The following FLCN variants were observed in gnomAD, a reference collection of about 807,000 sequenced individuals.
FLCN encodes the protein BHD skin lesion fibrofolliculoma protein.
FLCN carries 22 observed loss-of-function variants against 62.5 expected under a neutral mutation model. The observed-to-expected ratio is 0.35, with a 90% CI of 0.25 to 0.50. FLCN has a LOEUF of 0.50. Among genes scored for constraint, FLCN ranks in the 20% least tolerant of loss-of-function variants. FLCN has a pLI of 0.97. For synonymous variants in FLCN, 319 were observed against 310.0 expected, an observed-to-expected ratio of 1.03 and a Z score of -0.30; for missense variants, 657 against 778.0, an observed-to-expected ratio of 0.84 and a Z score of 1.85.
intron 1 of FLCN, among the ~76,000 whole-genome samples, chr17:17,233,401 T>A (rs2047479928): frequency 6.6e-6 from 1 of 151,710 alleles, no homozygotes; most frequent in African/African-American, 2.4e-5. Flanking sequence ...ATCGAGACCA[T>A]CCTGGCTAAC....
chr17:17,218,004 G>T (rs1306781240), intron 9 of FLCN, among the ~76,000 whole-genome samples: 1 of 152,172 alleles, frequency 6.6e-6, no homozygotes, highest in Non-Finnish European at 1.5e-5. Context: ...GATTTTGATG[G>T]AATGGGTGTT....
At chr17:17,217,757 A>C in intron 9 of FLCN, 2 of 180,150 alleles carry the variant, frequency 1.1e-5, no homozygotes, top group Non-Finnish European at 2.4e-5. Flanking sequence ...CTCTCCCCAC[A>C]CCCCACCTGT....
chr17:17,221,057 C>G (rs897613840), intron 8 of FLCN: 11 of 882,592 alleles, frequency 1.2e-5, no homozygotes, highest in African/African-American at 3.4e-5. Context: ...CTGGTGCACA[C>G]AGTGCCACGA....
chr17:17,215,593 C>A (rs1376307708), intron 11 of FLCN, among the ~76,000 whole-genome samples: 1 of 152,206 alleles, frequency 6.6e-6, no homozygotes, highest in African/African-American at 2.4e-5. Context: ...CTAAGCAGCC[C>A]TATGAGGGTG....
At position 17,226,191 on chromosome 17, in the gene FLCN, C is replaced by T. The variant is rs2145010261; in HGVS notation, c.381G>A (p.Arg127=). Residue 127 remains arginine, a synonymous_variant, in exon 5 of 14, where the codon CGG becomes CGA. Transcript: ENST00000285071. The part of the protein sequence containing the change: ...LFSIVRQACV[R]SLSCEVCPGR... ...CAAGGCTCACCTCACAGCTCAGGCT[C>T]CGGACACAGGCCTGGCGGACAATGC... 6.2e-7 allele frequency: 1 copy of T among 1,614,026 alleles called. No homozygotes were observed. The highest frequency in any genetic ancestry group is 8.5e-7 in the Non-Finnish European group (1 of 1,180,020).
At chr17:17,228,535 G>A in intron 3 of FLCN, 1 of 278,248 alleles carries the variant, frequency 3.6e-6, no homozygotes, top group South Asian at 4.2e-5. Flanking sequence ...ACAGGGAGAG[G>A]GTCCTCCACC....
In FLCN at chr17:17,221,259, A is replaced by C. The variant is rs140836939; in HGVS notation, c.871+278T>G. ...CACAAAATCGGGACGAGAAGCCTTT[A>C]ATCAGCCAGTTCTCTCTACAGACAG... On this transcript the variant is annotated intron_variant, in intron 8 of 13. Transcript: ENST00000285071. The C allele has an allele frequency of 3.8e-5, 59 of 1,543,140 alleles. No homozygotes were observed. In the East Asian group the frequency reaches 1.4e-3, roughly 36 times the overall value.
At chr17:17,221,068 T>TGGG in intron 8 of FLCN, 11 of 1,014,264 alleles carry the variant, frequency 1.1e-5, no homozygotes, top group Non-Finnish European at 1.5e-5. Flanking sequence ...AGTGCCACGA[T>TGGG]CCCCAAACAC....
chr17:17,227,857 G>A (rs751793942), intron 4 of FLCN, 32 bp downstream of exon 4: 2 of 1,613,866 alleles, frequency 1.2e-6, no homozygotes, highest in African/African-American at 1.3e-5. Context: ...CTACTGCAGG[G>A]ATCACAAAAC....
At chr17:17,226,425 T>TA (rs2047252498) in intron 4 of FLCN, 103 bp from the exon 5 acceptor site, 6 of 1,403,218 alleles carry the variant, frequency 4.3e-6, no homozygotes, top group Non-Finnish European at 5.0e-6. Context: ...GCTATTTTTG[T>TA]AAAAAAATAA....
At chr17:17,225,977 C>T (rs2047234115) in intron 5 of FLCN, 199 bp downstream of exon 5, 1 of 734,028 alleles carries the variant, frequency 1.4e-6, no homozygotes, top group Non-Finnish European at 2.5e-6. Flanking sequence ...TCAGAAAATG[C>T]TCAGCAAGTC....
Position 17,223,899 on chromosome 17 carries a change from C to T in FLCN, c.618+23G>A, listed in dbSNP as rs201373940. The T allele has an allele frequency of 2.6e-4, 417 of 1,612,678 alleles. 3 individuals are homozygous for T. In the African/African-American group the frequency reaches 5.1e-3, roughly 20 times the overall value. ...TGCAGTGCAGGGCCCCCTGCCGCCC[C>T]GGCACCTCATCTCTGAATTCACCTT... On this transcript the variant is annotated intron_variant, in intron 6 of 13. Transcript: ENST00000285071.
At chr17:17,222,785 A>C in intron 6 of FLCN, 124 bp from the exon 7 acceptor site, 3 of 1,128,604 alleles carry the variant, frequency 2.7e-6, no homozygotes, top group Non-Finnish European at 3.9e-6. Context: ...TACTCTCTCC[A>C]TGCAGAGCAC....
chr17:17,214,092 G>C (rs563105596), intron 13 of FLCN, among the ~76,000 whole-genome samples: 1 of 152,136 alleles, frequency 6.6e-6, no homozygotes, highest in Non-Finnish European at 1.5e-5. Flanking sequence ...TATGGGTATG[G>C]GGCCTGTGCG....
chr17:17,235,452 A>AG (rs1229755367), intron 1 of FLCN: 3 of 152,186 alleles, frequency 2.0e-5, no homozygotes, highest in Admixed American at 6.6e-5. Context: ...TCTGTCTCCA[A>AG]AAAAGAAAGA....
At position 17,216,440 on chromosome 17, in the gene FLCN, G is replaced by C. The variant is rs1226407835; in HGVS notation, c.1240C>G (p.Arg414Gly). 6.2e-7 allele frequency: 1 copy of C among 1,613,678 alleles called. No homozygotes were observed. The highest frequency in any genetic ancestry group is 1.1e-5 in the South Asian group (1 of 91,046). Residue 414 changes from arginine (R) to glycine (G), a missense_variant, in exon 11 of 14, where the codon CGG (arginine) becomes GGG (glycine). By Grantham distance (125) the Arg-to-Gly change is moderately radical (BLOSUM62 -2). Coordinates refer to ENST00000285071, the MANE Select transcript of FLCN (RefSeq NM_144997.7). This position sits in a 1 kb window ranked among gnomAD's most constrained non-coding sequence, Gnocchi z 4.0. Reference sequence around the variant, plus strand: ...GGGCTGAGCCCCAGGAAGTTGCACCGATAGGCCTCCTCGTACTGGCTGCTG... The same window carrying C: ...GGGCTGAGCCCCAGGAAGTTGCACCCATAGGCCTCCTCGTACTGGCTGCTG... ...PYSSQYEEAYRCNFLGLSPHV... is the reference protein window; with the variant it reads ...PYSSQYEEAYGCNFLGLSPHV...
In FLCN at chr17:17,213,976, G is replaced by A. The variant is rs2046828466; in HGVS notation, c.1539-120C>T. The A allele has an allele frequency of 3.7e-6, 4 of 1,069,260 alleles. No homozygotes were observed. The Admixed American group carries it at 7.2e-5, about 19-fold the overall frequency. The allele number at this position is 1,069,260 out of a possible 1,614,324, so 66.2% of individuals were successfully genotyped here. ...AGCAGGAGCTGTGCAGGCAGAGCTG[G>A]AATCCACACCCTTGGGGCAGCAGGC... On this transcript the variant is annotated intron_variant, in intron 13 of 13. Transcript: ENST00000285071.
chr17:17,215,479 G>A (rs560393196), intron 11 of FLCN, among the ~76,000 whole-genome samples, 163 bp from the exon 12 acceptor site: 4 of 152,298 alleles, frequency 2.6e-5, no homozygotes, highest in African/African-American at 9.6e-5. Flanking sequence ...AACCTTTCAG[G>A]TTATTCGTGA....
In FLCN at chr17:17,224,173, C is replaced by T. The variant is rs915688416; in HGVS notation, c.397-30G>A. On this transcript the variant is annotated intron_variant, in intron 5 of 13. Transcript: ENST00000285071. The stretch of plus-strand genomic sequence containing the variant: ...AGGGACACCGGCGACTCAGACAGCC[C>T]TTTCCTCGCTTAGTGACACCAAATC... 1.6e-5 allele frequency: 25 copies of T among 1,542,868 alleles called. No homozygotes were observed. The Admixed American group carries it at 3.7e-4, about 23-fold the overall frequency.
Sources: allele counts gnomAD v4.1 joint callset (sites outside exome capture counted in the v4.1 genomes callset), GRCh38; gene constraint gnomAD v4.1.1; non-coding constraint Gnocchi (gnomAD v3.1); transcripts MANE v1.5; gene names NCBI Gene and HGNC (gene_info 2026-07-23, HGNC 2026-07-21).